Variants in RAB31 observed in about 807,000 individuals in gnomAD.
The protein encoded by RAB31 is ras-related protein Rab-31.
RAB31 carries 21 observed loss-of-function variants against 25.6 expected under a neutral mutation model. The ratio of observed to expected loss-of-function variants is 0.82; its 90% CI spans 0.58 to 1.18. The LOEUF (loss-of-function observed/expected upper bound fraction) is 1.18. RAB31 is among the 50% of genes most tolerant of loss of function. The probability of loss-of-function intolerance (pLI) is 0.00; values close to 1 mark genes in which losing one functional copy is unlikely to be tolerated. For missense variants in RAB31, 196 were observed against 250.1 expected (o/e 0.78, Z 1.46); for synonymous variants, 87 against 84.0 (o/e 1.04, Z -0.20).
At chr18:9,753,770 G>T (rs1188246152) in intron 1 of RAB31, among the ~76,000 whole-genome samples, 1 of 152,170 alleles carries the variant, frequency 6.6e-6, no homozygotes, top group Non-Finnish European at 1.5e-5. Context: ...TTGTGGTGGG[G>T]CTCAAGTTCT....
chr18:9,726,843 A>G (rs1262480960), intron 1 of RAB31, among the ~76,000 whole-genome samples: 1 of 152,218 alleles, frequency 6.6e-6, no homozygotes, highest in African/African-American at 2.4e-5. Flanking sequence ...GAACAGACCT[A>G]TGTAAACACC....
intron 1 of RAB31, among the ~76,000 whole-genome samples, chr18:9,752,079 A>G (rs1038673516): frequency 5.3e-5 from 8 of 152,134 alleles, no homozygotes; most frequent in Non-Finnish European, 1.2e-4. Context: ...AGGGAGTAAA[A>G]GAGGCTGCCT....
In RAB31 at chr18:9,859,926, A is replaced by G. The variant is rs1752575883; in HGVS notation, c.*601A>G. 6.6e-6 allele frequency: 1 copy of G among 152,266 alleles called. No individual in the cohort carries two copies. Among genetic ancestry groups the G allele is most frequent in the Admixed American group, 6.5e-5 (1 of 15,290 alleles). The allele number at this position is 152,266 out of a possible 1,614,324, so 9.4% of individuals were successfully genotyped here. A position where few individuals can be genotyped will look rare whatever the true frequency, so the allele number is the denominator to read the frequency against. ...AAGTGTATTAGAAACTGTTGTCTAC[A>G]CCACTTTTAATTGGTGAACAATTTT... On this transcript the variant is annotated 3_prime_UTR_variant, in exon 7 of 7. Coordinates refer to ENST00000578921, the MANE Select transcript of RAB31 (RefSeq NM_006868.4).
intron 2 of RAB31, among the ~76,000 whole-genome samples, chr18:9,790,049 A>G (rs2068452453): frequency 6.6e-6 from 1 of 152,182 alleles, no homozygotes; most frequent in African/African-American, 2.4e-5. Context: ...AGGCTGGACT[A>G]TATGAAAGTA....
intron 1 of RAB31, among the ~76,000 whole-genome samples, chr18:9,717,371 G>T (rs917425271): frequency 5.9e-5 from 9 of 152,050 alleles, no homozygotes; most frequent in Admixed American, 3.3e-4. Context: ...GATATCTTAG[G>T]CTACTTTCAG....
intron 1 of RAB31, among the ~76,000 whole-genome samples, chr18:9,719,499 T>C (rs2068063833): frequency 6.6e-6 from 1 of 151,440 alleles, no homozygotes; most frequent in Admixed American, 6.6e-5. Flanking sequence ...CTATTTGTTC[T>C]CCTCTTTAGT....
intron 5 of RAB31, among the ~76,000 whole-genome samples, chr18:9,840,296 T>C (rs2068726639): frequency 6.6e-6 from 1 of 152,192 alleles, no homozygotes; most frequent in Non-Finnish European, 1.5e-5. Context: ...TGTTTATACC[T>C]TGGCTTGGGT....
intron 6 of RAB31, among the ~76,000 whole-genome samples, chr18:9,853,898 C>G (rs1437282186): frequency 6.7e-6 from 1 of 150,298 alleles, no homozygotes; most frequent in East Asian, 1.9e-4. Context: ...AGAAAGGTGC[C>G]TTTGAGTGGT....
Position 9,708,570 on chromosome 18 carries a change from T to G in RAB31, c.39+126T>G. The G allele has an allele frequency of 1.2e-6, 1 of 802,328 alleles. No individual in the cohort carries two copies. The highest frequency in any genetic ancestry group is 1.8e-6 in the Non-Finnish European group (1 of 570,156). The allele number at this position is 802,328 out of a possible 1,614,324, so 49.7% of individuals were successfully genotyped here. A position where few individuals can be genotyped will look rare whatever the true frequency, so the allele number is the denominator to read the frequency against. On this transcript the variant is annotated intron_variant, in intron 1 of 6. Coordinates refer to ENST00000578921, the MANE Select transcript of RAB31 (RefSeq NM_006868.4). The surrounding 1 kb of genome is among the most constrained non-coding windows in gnomAD (Gnocchi z 6.4). ...CTCCGCACCCCTCTCGTAGCCCCCG[T>G]CCCCCTCGTCCGCGCGCCCCCTGGT...
chr18:9,796,114 T>C (rs74468753), intron 3 of RAB31, among the ~76,000 whole-genome samples: 48 of 152,322 alleles, frequency 3.2e-4, no homozygotes, highest in African/African-American at 9.9e-4. Context: ...TTGGAGACCA[T>C]TATTCTAAAT....
intron 2 of RAB31, among the ~76,000 whole-genome samples, chr18:9,783,484 A>G (rs2068416082): frequency 6.6e-6 from 1 of 152,228 alleles, no homozygotes; most frequent in Non-Finnish European, 1.5e-5. Context: ...TTTTAAGGGT[A>G]GTAGGGTTGC....
Position 9,858,085 on chromosome 18 carries a change from G to T in RAB31, c.491-1143G>T, listed in dbSNP as rs2068828212. Among the ~76,000 whole-genome samples, 3 of 152,062 alleles carry T rather than the reference G, an allele frequency of 2.0e-5. 1 individual carries two copies. Among genetic ancestry groups the T allele is most frequent in the South Asian group, 2.1e-4 (1 of 4,822 alleles). Reference sequence around the variant, plus strand: ...TAGTGTTTCATGCCTTTTTCAAGGGGCATAGAAAAGTAGCAAAGAGACCTA... The same window carrying T: ...TAGTGTTTCATGCCTTTTTCAAGGGTCATAGAAAAGTAGCAAAGAGACCTA... On this transcript the variant is annotated intron_variant, in intron 6 of 6. Transcript: ENST00000578921.
At chr18:9,768,082 A>G (rs11081501) in intron 1 of RAB31, among the ~76,000 whole-genome samples, 24,651 of 152,140 alleles carry the variant, frequency 0.16, 2,504 homozygotes, top group South Asian at 0.33. Context: ...GTATTCCATG[A>G]TGTACATGTG....
intron 3 of RAB31, among the ~76,000 whole-genome samples, chr18:9,793,356 G>A (rs1054023353): frequency 2.0e-5 from 3 of 152,250 alleles, no homozygotes; most frequent in Non-Finnish European, 4.4e-5. Flanking sequence ...GGGATTGCAG[G>A]TGTCAGTCAT....
chr18:9,839,905 G>A (rs922037181), intron 5 of RAB31, among the ~76,000 whole-genome samples: 2 of 152,162 alleles, frequency 1.3e-5, no homozygotes. Flanking sequence ...TCCCGCAGCC[G>A]TTCCTGCGGT....
At chr18:9,751,973 TA>T (rs1207478724) in intron 1 of RAB31, among the ~76,000 whole-genome samples, 3 of 152,204 alleles carry the variant, frequency 2.0e-5, no homozygotes, top group African/African-American at 7.2e-5. Flanking sequence ...GGGATTGTAC[TA>T]GAATCCCTTG....
intron 1 of RAB31, among the ~76,000 whole-genome samples, chr18:9,723,328 G>A (rs1026455175): frequency 4.6e-5 from 7 of 152,106 alleles, no homozygotes; most frequent in African/African-American, 9.7e-5. Flanking sequence ...GATTACAGGC[G>A]TGAGCCACCG....
chr18:9,807,728 C>T (rs149538077), intron 3 of RAB31, among the ~76,000 whole-genome samples: 6 of 152,168 alleles, frequency 3.9e-5, no homozygotes, highest in African/African-American at 1.2e-4. Flanking sequence ...AATTCCAGCA[C>T]TTTGGGAGGC....
At chr18:9,738,125 G>A (rs1468317397) in intron 1 of RAB31, among the ~76,000 whole-genome samples, 3 of 152,218 alleles carry the variant, frequency 2.0e-5, no homozygotes, top group East Asian at 1.9e-4. Flanking sequence ...ATGACTTAAC[G>A]CCGCCTGGGC....
Sources: gnomAD v4.1 joint callset for allele counts (sites outside exome capture counted in the v4.1 genomes callset) on GRCh38, gnomAD v4.1.1 for gene constraint, Gnocchi (gnomAD v3.1) non-coding constraint, MANE v1.5 for transcripts, NCBI Gene and HGNC (gene_info 2026-07-23, HGNC 2026-07-21) for gene names.